Variants in KAZN observed in about 807,000 individuals in gnomAD.
The protein encoded by KAZN is kazrin.
A neutral mutation model predicts 87.4 loss-of-function variants in KAZN; 40 were observed. The observed-to-expected ratio is 0.46, with a 90% confidence interval of 0.36 to 0.60. The LOEUF is 0.60. KAZN is among the 20% of genes least tolerant of loss of function. KAZN has a pLI of 0.00. For missense variants in KAZN, 898 were observed against 1,073.9 expected (o/e 0.84, Z 2.29); for synonymous variants, 466 against 458.3 (o/e 1.02, Z -0.22).
At chr1:14,745,617 G>A (rs2100458859) in intron 1 of KAZN, among the ~76,000 whole-genome samples, 1 of 152,230 alleles carries the variant, frequency 6.6e-6, no homozygotes, top group Middle Eastern at 3.4e-3. Context: ...CTATACACTT[G>A]GCATGGGTTC....
chr1:14,892,102 G>A (rs1367564464), intron 1 of KAZN, among the ~76,000 whole-genome samples: 2 of 152,126 alleles, frequency 1.3e-5, no homozygotes, highest in African/African-American at 4.8e-5. Context: ...CAAGGCAGCA[G>A]GCAGAGCCCA....
At chr1:14,696,455 G>T (rs1641607972) in intron 1 of KAZN, among the ~76,000 whole-genome samples, 1 of 152,226 alleles carries the variant, frequency 6.6e-6, no homozygotes. Context: ...GTTAAACAGG[G>T]AGTGGGCTGG....
chr1:15,079,791 G>A (rs1006272394), intron 8 of KAZN, among the ~76,000 whole-genome samples: 2 of 152,192 alleles, frequency 1.3e-5, no homozygotes, highest in African/African-American at 2.4e-5. Flanking sequence ...GAGAAAGATG[G>A]GCTTCGGCTG....
At chr1:14,826,654 CTGT>C (rs1396653322) in intron 1 of KAZN, among the ~76,000 whole-genome samples, 1 of 152,128 alleles carries the variant, frequency 6.6e-6, no homozygotes, top group Non-Finnish European at 1.5e-5. Flanking sequence ...CCCACTGAGA[CTGT>C]TAAGTTCCTC....
intron 1 of KAZN, among the ~76,000 whole-genome samples, chr1:14,613,023 C>T (rs1196921395): frequency 1.3e-5 from 2 of 152,016 alleles, no homozygotes; most frequent in African/African-American, 2.4e-5. Context: ...TATTTTTTTC[C>T]AGAACCCAGG....
intron 1 of KAZN, among the ~76,000 whole-genome samples, chr1:14,721,965 C>T (rs1015828339): frequency 1.3e-5 from 2 of 151,876 alleles, no homozygotes; most frequent in Non-Finnish European, 2.9e-5. Context: ...ACCAGCCTGG[C>T]CAACATGGTG....
At chr1:14,980,402 G>A (rs538282245) in intron 2 of KAZN, among the ~76,000 whole-genome samples, 1 of 152,302 alleles carries the variant, frequency 6.6e-6, no homozygotes, top group East Asian at 1.9e-4. Context: ...TAGGCAGGCA[G>A]GTGTGTCAGG....
At chr1:14,811,708 A>G (rs1221825348) in intron 1 of KAZN, among the ~76,000 whole-genome samples, 14 of 152,212 alleles carry the variant, frequency 9.2e-5, no homozygotes, top group Admixed American at 9.2e-4. Context: ...ATGCATCTTC[A>G]TATTAAAGGC....
At chr1:14,395,216 G>A (rs549571782) in intron 2 of KAZN, among the ~76,000 whole-genome samples, 5 of 152,232 alleles carry the variant, frequency 3.3e-5, no homozygotes, top group African/African-American at 1.2e-4. Flanking sequence ...GAGAAGGCAG[G>A]TGGTCTGCTT....
intron 2 of KAZN, among the ~76,000 whole-genome samples, chr1:14,395,668 G>C (rs773591356): frequency 2.0e-5 from 3 of 152,198 alleles, no homozygotes; most frequent in Non-Finnish European, 2.9e-5. Flanking sequence ...ACAGCAAGCT[G>C]TAAGACTAGG....
At chr1:14,238,876 A>C (rs1455261461) in intron 2 of KAZN, among the ~76,000 whole-genome samples, 2 of 152,232 alleles carry the variant, frequency 1.3e-5, no homozygotes, top group African/African-American at 4.8e-5. Context: ...GCAGAGGAAC[A>C]ATGCATTCTT....
chr1:14,455,485 C>T (rs982624752), intron 2 of KAZN, among the ~76,000 whole-genome samples: 1 of 152,114 alleles, frequency 6.6e-6, no homozygotes, highest in Non-Finnish European at 1.5e-5. Flanking sequence ...ACTCAGTGTT[C>T]CAGTGTTGTT....
At chr1:14,728,728 A>G (rs1643536441) in intron 1 of KAZN, among the ~76,000 whole-genome samples, 1 of 152,078 alleles carries the variant, frequency 6.6e-6, no homozygotes, top group South Asian at 2.1e-4. Context: ...CTCGCCTTAC[A>G]CTTAAGTGCA....
chr1:14,945,264 C>T (rs912444250), intron 1 of KAZN, among the ~76,000 whole-genome samples: 1 of 152,188 alleles, frequency 6.6e-6, no homozygotes, highest in African/African-American at 2.4e-5. Flanking sequence ...GGCAGTCCCC[C>T]GTGGCCCAGT....
intron 2 of KAZN, among the ~76,000 whole-genome samples, chr1:14,417,973 G>C (rs1215063320): frequency 8.8e-6 from 1 of 113,348 alleles, no homozygotes; most frequent in African/African-American, 3.6e-5. Flanking sequence ...TCCAGGCTGG[G>C]CGACAGAGTG....
intron 1 of KAZN, among the ~76,000 whole-genome samples, chr1:14,668,590 C>T (rs1438761175): frequency 6.6e-6 from 1 of 152,150 alleles, no homozygotes; most frequent in African/African-American, 2.4e-5. Context: ...TCCTTCCCCA[C>T]CTGTCCCTCC....
At position 14,194,473 on chromosome 1, in the gene KAZN, G is replaced by A. The variant is rs372290827; in HGVS notation, c.249+13881G>A. 1.4e-4 allele frequency among the ~76,000 whole-genome samples: 21 copies of A among 152,208 alleles called. No homozygotes were observed. The South Asian group carries it at 4.3e-3, about 32-fold the overall frequency. On this transcript the variant is annotated intron_variant, in intron 2 of 16. Transcript: ENST00000636203. ...TTTGCATGAGGCTTCTGTTTCCCTGGTCCAGTTTCCTTGATATGCCCCCAT... is the reference window on the plus strand; with the variant it reads ...TTTGCATGAGGCTTCTGTTTCCCTGATCCAGTTTCCTTGATATGCCCCCAT...
intron 1 of KAZN, among the ~76,000 whole-genome samples, chr1:14,728,287 TATAAAAAAAAA>T (rs1008673221): frequency 8.5e-5 from 6 of 70,424 alleles, no homozygotes; most frequent in African/African-American, 2.8e-4. Flanking sequence ...ACACCGTATA[TATAAAAAAAAA>T]AAAAAAAAAA....
intron 2 of KAZN, among the ~76,000 whole-genome samples, chr1:14,266,941 G>T (rs934067637): frequency 2.6e-5 from 4 of 151,538 alleles, no homozygotes; most frequent in Middle Eastern, 3.4e-3. Context: ...CAACATGCAG[G>T]TTTGCTACAT....
Sources: allele counts gnomAD v4.1 joint callset (sites outside exome capture counted in the v4.1 genomes callset), GRCh38; gene constraint gnomAD v4.1.1; transcripts MANE v1.5; gene names NCBI Gene and HGNC (gene_info 2026-07-23, HGNC 2026-07-21).